COG5: variants seen among roughly 807,000 people sequenced by gnomAD.
The protein encoded by COG5 is component of oligomeric golgi complex 5.
COG5 carries 86 observed loss-of-function variants against 110.4 expected under a neutral mutation model. That is an observed-to-expected ratio of 0.78 (90% CI 0.65 to 0.93). The LOEUF (loss-of-function observed/expected upper bound fraction) is 0.93, where lower values mean the gene tolerates loss of function less well. COG5 is among the 40% of genes least tolerant of loss of function. The pLI is 0.00. For missense variants in COG5, 1,077 were observed against 987.0 expected (o/e 1.09, Z -1.22); for synonymous variants, 360 against 334.6 (o/e 1.08, Z -0.83).
At chr7:107,351,358 G>A (rs187895003) in intron 10 of COG5, among the ~76,000 whole-genome samples, 9 of 152,178 alleles carry the variant, frequency 5.9e-5, no homozygotes, top group African/African-American at 9.6e-5. Context: ...TAAAAACCCT[G>A]GAAGAAAACC....
At chr7:107,366,885 C>G (rs144088195) in intron 8 of COG5, among the ~76,000 whole-genome samples, 8 of 152,132 alleles carry the variant, frequency 5.3e-5, no homozygotes, top group African/African-American at 1.9e-4. Context: ...GTTGTTGAAG[C>G]TTTGCATATA....
chr7:107,558,240 A>G, intron 1 of COG5, 125 bp from the exon 2 acceptor site: 2 of 875,256 alleles, frequency 2.3e-6, no homozygotes, highest in South Asian at 1.4e-5. Flanking sequence ...ACTCCACTAT[A>G]CTGCTTAATG....
chr7:107,211,279 T>C (rs1799155743), intron 19 of COG5, 54 bp from the exon 20 acceptor site: 15 of 1,584,754 alleles, frequency 9.5e-6, no homozygotes, highest in Admixed American at 1.7e-5. Flanking sequence ...AAATAGGTGA[T>C]TTGGTGGGAG....
chr7:107,436,244 T>C (rs150127898), intron 6 of COG5, among the ~76,000 whole-genome samples: 250 of 152,342 alleles, frequency 1.6e-3, no homozygotes, highest in African/African-American at 5.7e-3. Flanking sequence ...AAATGTGGTA[T>C]ATACATACAG....
intron 7 of COG5, among the ~76,000 whole-genome samples, chr7:107,387,138 A>G (rs543306270): frequency 6.6e-6 from 1 of 152,302 alleles, no homozygotes; most frequent in East Asian, 1.9e-4. Context: ...TAACACTTAT[A>G]AAAAGATAAA....
At chr7:107,529,658 C>T (rs139903024) in intron 5 of COG5, among the ~76,000 whole-genome samples, 13 of 152,304 alleles carry the variant, frequency 8.5e-5, no homozygotes, top group South Asian at 2.1e-4. Context: ...ATAAAGTCCT[C>T]GGATCAAGGT....
intron 7 of COG5, among the ~76,000 whole-genome samples, chr7:107,377,435 G>A (rs1354156442): frequency 6.6e-6 from 1 of 151,924 alleles, no homozygotes; most frequent in Non-Finnish European, 1.5e-5. Context: ...ATTCTTGATC[G>A]TGGTAATTTG....
chr7:107,537,422 A>G (rs1324243528), intron 5 of COG5, among the ~76,000 whole-genome samples: 3 of 152,312 alleles, frequency 2.0e-5, no homozygotes, highest in African/African-American at 7.2e-5. Context: ...AAAAAGAATG[A>G]GCTCATGTCC....
chr7:107,542,931 C>A (rs1802143448), intron 5 of COG5, among the ~76,000 whole-genome samples: 1 of 149,614 alleles, frequency 6.7e-6, no homozygotes, highest in Non-Finnish European at 1.5e-5. Flanking sequence ...AAGATCGCTC[C>A]ATTGCATTCC....
intron 10 of COG5, among the ~76,000 whole-genome samples, chr7:107,352,728 T>C (rs1005031966): frequency 5.5e-5 from 8 of 145,434 alleles, no homozygotes; most frequent in Admixed American, 2.1e-4. Context: ...TTTTTCATAG[T>C]TACGATTCTC....
intron 7 of COG5, among the ~76,000 whole-genome samples, chr7:107,385,756 T>A (rs758462042): frequency 6.6e-6 from 1 of 151,524 alleles, no homozygotes; most frequent in Non-Finnish European, 1.5e-5. Flanking sequence ...TCAACAACAG[T>A]GCAGAAAGAT....
chr7:107,445,444 C>T (rs7786801), intron 6 of COG5, among the ~76,000 whole-genome samples: 41,241 of 152,030 alleles, frequency 0.27, 5,684 homozygotes, highest in East Asian at 0.33. Flanking sequence ...CTTTTCTATA[C>T]TTATGATGAG....
chr7:107,317,838 G>A (rs939756497), intron 11 of COG5, among the ~76,000 whole-genome samples: 2 of 152,118 alleles, frequency 1.3e-5, no homozygotes, highest in South Asian at 2.1e-4. Flanking sequence ...TAGAATGAGC[G>A]GACAAGGGCA....
At chr7:107,397,427 T>G (rs1791097100) in intron 7 of COG5, among the ~76,000 whole-genome samples, 1 of 152,004 alleles carries the variant, frequency 6.6e-6, no homozygotes, top group South Asian at 2.1e-4. Flanking sequence ...AATCTGTTGG[T>G]GTAAGCCACT....
At chr7:107,345,400 A>C (rs1374732862) in intron 10 of COG5, among the ~76,000 whole-genome samples, 1 of 152,240 alleles carries the variant, frequency 6.6e-6, no homozygotes, top group Non-Finnish European at 1.5e-5. Context: ...ATTTGTAAAA[A>C]ATAAATAAAT....
At chr7:107,343,147 T>C (rs1484471850) in intron 10 of COG5, among the ~76,000 whole-genome samples, 2 of 152,094 alleles carry the variant, frequency 1.3e-5, no homozygotes, top group African/African-American at 4.8e-5. Flanking sequence ...TGTCCTCAGT[T>C]ATAAGTGAGG....
chr7:107,439,915 T>A (rs1794605026), intron 6 of COG5, among the ~76,000 whole-genome samples: 2 of 152,204 alleles, frequency 1.3e-5, no homozygotes, highest in South Asian at 4.1e-4. Flanking sequence ...AGGCCTATGA[T>A]TCTGCTGAGA....
chr7:107,404,978 C>T (rs1791717081), intron 7 of COG5, among the ~76,000 whole-genome samples: 1 of 148,282 alleles, frequency 6.7e-6, no homozygotes, highest in Admixed American at 6.7e-5. Context: ...CAAATGGAGA[C>T]TTCCTAAAAA....
At chr7:107,491,083 A>G (rs2237671) in intron 6 of COG5, among the ~76,000 whole-genome samples, 1 of 151,938 alleles carries the variant, frequency 6.6e-6, no homozygotes, top group South Asian at 2.1e-4. Flanking sequence ...TATCAATTTC[A>G]TACTTAGTTT....
Sources: allele counts gnomAD v4.1 joint callset (sites outside exome capture counted in the v4.1 genomes callset), GRCh38; gene constraint gnomAD v4.1.1; transcripts MANE v1.5; gene names NCBI Gene and HGNC (gene_info 2026-07-23, HGNC 2026-07-21).